KIF6: variants seen among roughly 807,000 people sequenced by gnomAD.
The protein encoded by KIF6 is kinesin family member 6, also known as kinesin-like protein KIF6.
Under a neutral mutation model 112.7 loss-of-function variants are expected in KIF6, and 106 were observed. The observed-to-expected ratio is 0.94, with a 90% CI of 0.80 to 1.11. The LOEUF (loss-of-function observed/expected upper bound fraction) is 1.11. Among genes scored for constraint, KIF6 ranks in the 50% least tolerant of loss-of-function variants. The pLI, the probability that KIF6 is intolerant of heterozygous loss-of-function variation, is 0.00. For synonymous variants in KIF6, 339 were observed against 339.9 expected (o/e 1.00, Z 0.03); for missense variants, 929 against 964.0 (o/e 0.96, Z 0.48).
chr6:39,521,289 A>C (rs1486173880), intron 13 of KIF6, among the ~76,000 whole-genome samples: 1 of 152,152 alleles, frequency 6.6e-6, no homozygotes, highest in African/African-American at 2.4e-5. Context: ...AATCTCCTTG[A>C]TCTAATTCTA....
chr6:39,345,633 T>G, intron 21 of KIF6, 67 bp downstream of exon 21: 1 of 1,328,662 alleles, frequency 7.5e-7, no homozygotes, highest in Non-Finnish European at 1.1e-6. Context: ...GGGAGTAGAC[T>G]GGAGATGGAG....
intron 5 of KIF6, among the ~76,000 whole-genome samples, chr6:39,613,551 C>T (rs1783339736): frequency 6.6e-6 from 1 of 152,130 alleles, no homozygotes; most frequent in Admixed American, 6.6e-5. Flanking sequence ...GATTTAAAGC[C>T]ACCTGTCATT....
intron 13 of KIF6, among the ~76,000 whole-genome samples, chr6:39,461,096 A>G (rs1475359370): frequency 6.6e-6 from 1 of 152,212 alleles, no homozygotes; most frequent in Admixed American, 6.5e-5. Flanking sequence ...TTAAGTGGTC[A>G]AAAGAGAGTT....
intron 22 of KIF6, among the ~76,000 whole-genome samples, chr6:39,337,326 C>A (rs1300954760): frequency 7.5e-6 from 1 of 133,388 alleles, no homozygotes. Context: ...TCTTTCTTTT[C>A]TTTCTGGACG....
chr6:39,534,710 A>C (rs1778303979), intron 13 of KIF6, among the ~76,000 whole-genome samples: 1 of 152,194 alleles, frequency 6.6e-6, no homozygotes, highest in Admixed American at 6.5e-5. Context: ...AAATACAGAG[A>C]ATGCCACAAA....
chr6:39,442,215 C>T (rs867937274), intron 13 of KIF6, among the ~76,000 whole-genome samples: 3 of 152,236 alleles, frequency 2.0e-5, no homozygotes, highest in African/African-American at 7.2e-5. Flanking sequence ...CCACCTGCTG[C>T]GGCTGCCTCC....
intron 16 of KIF6, among the ~76,000 whole-genome samples, chr6:39,376,024 G>A (rs1358791906): frequency 6.6e-6 from 1 of 152,158 alleles, no homozygotes; most frequent in Non-Finnish European, 1.5e-5. Flanking sequence ...CTCACTCCCA[G>A]CCTCTCCCTT....
At chr6:39,684,589 C>T (rs1299609190) in intron 3 of KIF6, among the ~76,000 whole-genome samples, 1 of 148,726 alleles carries the variant, frequency 6.7e-6, no homozygotes, top group African/African-American at 2.5e-5. Context: ...GCACTCCAAC[C>T]TGGGCAACAA....
chr6:39,666,486 GA>G (rs1346983229), intron 3 of KIF6, among the ~76,000 whole-genome samples: 1 of 152,042 alleles, frequency 6.6e-6, no homozygotes, highest in African/African-American at 2.4e-5. Context: ...TAGCCAAAGT[GA>G]AAAAAGTGCT....
chr6:39,534,171 G>T (rs1269969268), intron 13 of KIF6, among the ~76,000 whole-genome samples: 1 of 152,152 alleles, frequency 6.6e-6, no homozygotes, highest in Non-Finnish European at 1.5e-5. Context: ...TCCTCCAAAG[G>T]AACGCAGTTC....
chr6:39,584,258 C>G (rs929396329), intron 9 of KIF6, among the ~76,000 whole-genome samples: 12 of 151,230 alleles, frequency 7.9e-5, no homozygotes, highest in Non-Finnish European at 1.2e-4. Flanking sequence ...CCCGTCTCTA[C>G]TAAAATACAA....
In KIF6 at chr6:39,578,055, C is replaced by A. The variant is rs141333494; in HGVS notation, c.1181+1G>T. The A allele has an allele frequency of 6.9e-6, 11 of 1,605,652 alleles. No individual in the cohort carries two copies. The African/African-American group carries it at 1.1e-4, about 16-fold the overall frequency. On this transcript the variant is annotated splice_donor_variant, in intron 10 of 22. Coordinates refer to ENST00000287152, the MANE Select transcript of KIF6 (RefSeq NM_145027.6). LOFTEE classifies it high-confidence loss of function. ...AAAGAAAAAAAAGTCTGCAGACTTA[C>A]TGAAGGAGCTCTGCTTCTGTGAGTG...
At chr6:39,402,234 T>G (rs1241715041) in intron 15 of KIF6, among the ~76,000 whole-genome samples, 1 of 152,064 alleles carries the variant, frequency 6.6e-6, no homozygotes. Context: ...GTTACTGTGA[T>G]GGAAAGCACT....
intron 3 of KIF6, among the ~76,000 whole-genome samples, chr6:39,713,717 T>C (rs1253422479): frequency 1.3e-5 from 2 of 152,216 alleles, no homozygotes; most frequent in Non-Finnish European, 2.9e-5. Flanking sequence ...AAAGAGGTGT[T>C]ATTGGATTGT....
intron 10 of KIF6, among the ~76,000 whole-genome samples, chr6:39,550,585 C>T (rs1042995604): frequency 6.6e-6 from 1 of 152,210 alleles, no homozygotes; most frequent in Non-Finnish European, 1.5e-5. Flanking sequence ...TGGGGCAGAG[C>T]TTCCCTGTGG....
chr6:39,453,435 T>C (rs965066151), intron 13 of KIF6, among the ~76,000 whole-genome samples: 1 of 152,228 alleles, frequency 6.6e-6, no homozygotes, highest in Non-Finnish European at 1.5e-5. Context: ...CTGAAGAAGA[T>C]ACCATAAGCT....
chr6:39,723,932 T>A (rs916595293), intron 1 of KIF6, among the ~76,000 whole-genome samples: 4 of 151,858 alleles, frequency 2.6e-5, no homozygotes, highest in South Asian at 2.1e-4. Flanking sequence ...AAAAAAAAAA[T>A]TACAGCTATG....
intron 6 of KIF6, among the ~76,000 whole-genome samples, chr6:39,599,458 A>C (rs1212211978): frequency 6.6e-6 from 1 of 152,224 alleles, no homozygotes; most frequent in Non-Finnish European, 1.5e-5. Context: ...ATGCTGGCAT[A>C]GTTTTGGTGA....
intron 3 of KIF6, among the ~76,000 whole-genome samples, chr6:39,644,284 C>A (rs1277085471): frequency 3.3e-5 from 5 of 151,990 alleles, no homozygotes; most frequent in African/African-American, 4.8e-5. Flanking sequence ...AAAATGTAAA[C>A]CTAGTATTGC....
Sources: allele counts gnomAD v4.1 joint callset (sites outside exome capture counted in the v4.1 genomes callset), GRCh38; gene constraint gnomAD v4.1.1; transcripts MANE v1.5; gene names NCBI Gene and HGNC (gene_info 2026-07-23, HGNC 2026-07-21).